Variants in CLIP1 observed in about 807,000 individuals in gnomAD.
CLIP1 encodes the protein CAP-Gly domain containing linker protein 1.
A neutral mutation model predicts 161.6 loss-of-function variants in CLIP1; 66 were observed. The ratio of observed to expected loss-of-function variants is 0.41; its 90% CI spans 0.33 to 0.50. The LOEUF (loss-of-function observed/expected upper bound fraction) is 0.50. CLIP1 is among the 20% of genes least tolerant of loss of function. CLIP1 has a pLI of 0.27. For missense variants in CLIP1, 1,376 were observed against 1,702.0 expected, an observed-to-expected ratio of 0.81 and a Z score of 3.37; for synonymous variants, 598 against 626.2, an observed-to-expected ratio of 0.96 and a Z score of 0.67.
At chr12:122,304,552 G>A (rs1051537838) in intron 20 of CLIP1, among the ~76,000 whole-genome samples, 1 of 152,136 alleles carries the variant, frequency 6.6e-6, no homozygotes, top group East Asian at 1.9e-4. Flanking sequence ...ATTAGAGATG[G>A]GGTTTCACCA....
intron 20 of CLIP1, among the ~76,000 whole-genome samples, chr12:122,290,907 T>G (rs887663624): frequency 2.7e-5 from 4 of 148,014 alleles, no homozygotes; most frequent in Admixed American, 6.8e-5. Flanking sequence ...TTTTTTTTAG[T>G]TTTTTTTTTA....
chr12:122,314,379 G>A (rs762219107), intron 19 of CLIP1, among the ~76,000 whole-genome samples: 14 of 151,858 alleles, frequency 9.2e-5, no homozygotes, highest in African/African-American at 2.9e-4. Flanking sequence ...GTTGAGGCAC[G>A]AAAACTGCTT....
intron 5 of CLIP1, among the ~76,000 whole-genome samples, chr12:122,359,306 TAA>T (rs1953662325): frequency 6.6e-6 from 1 of 152,138 alleles, no homozygotes; most frequent in Non-Finnish European, 1.5e-5. Flanking sequence ...TGAGGTGAGC[TAA>T]GAGGTACAAG....
intron 1 of CLIP1, among the ~76,000 whole-genome samples, chr12:122,413,914 C>G (rs1295638269): frequency 1.3e-5 from 2 of 151,796 alleles, no homozygotes; most frequent in African/African-American, 4.8e-5. Context: ...GGCCAAGATT[C>G]CTTGGTACTT....
At chr12:122,347,348 G>A (rs1004881539) in intron 10 of CLIP1, 27 bp downstream of exon 10, 7 of 1,513,180 alleles carry the variant, frequency 4.6e-6, no homozygotes, top group South Asian at 1.1e-5. Flanking sequence ...GCATGGGTCT[G>A]CTTCATTAAA....
At chr12:122,334,257 C>G in intron 13 of CLIP1, 147 bp from the exon 14 acceptor site, 1 of 626,404 alleles carries the variant, frequency 1.6e-6, no homozygotes, top group Middle Eastern at 4.3e-4. Context: ...AATCACATGG[C>G]TGTGTCCAGC....
intron 19 of CLIP1, among the ~76,000 whole-genome samples, chr12:122,315,832 G>T (rs1357470706): frequency 1.3e-5 from 2 of 151,484 alleles, no homozygotes; most frequent in East Asian, 3.9e-4. Context: ...TAGTAGAGAC[G>T]GGGTTTCACC....
chr12:122,302,757 T>A (rs12578953), intron 20 of CLIP1, among the ~76,000 whole-genome samples: 44,553 of 151,888 alleles, frequency 0.29, 7,359 homozygotes, highest in East Asian at 0.63. Flanking sequence ...CCACCACGCC[T>A]GGCTAATTTT....
intron 1 of CLIP1, among the ~76,000 whole-genome samples, chr12:122,404,252 CAG>C (rs1956240890): frequency 6.6e-6 from 1 of 152,180 alleles, no homozygotes; most frequent in Admixed American, 6.5e-5. Flanking sequence ...GAATATAAAG[CAG>C]GGGCCTGGAG....
At chr12:122,324,049 G>T (rs191524622) in intron 17 of CLIP1, 1 of 152,574 alleles carries the variant, frequency 6.6e-6, no homozygotes. Context: ...GTACAACATT[G>T]ATTTCTTTAA....
chr12:122,412,672 C>T (rs530356266), intron 1 of CLIP1, among the ~76,000 whole-genome samples: 45 of 151,752 alleles, frequency 3.0e-4, no homozygotes, highest in East Asian at 7.8e-4. Context: ...CAAAAAAAAA[C>T]CAAAGTACAT....
At chr12:122,345,236 A>G (rs1263236083) in intron 10 of CLIP1, among the ~76,000 whole-genome samples, 1 of 151,276 alleles carries the variant, frequency 6.6e-6, no homozygotes, top group Admixed American at 6.6e-5. Context: ...GTGCAGAGAC[A>G]TGAACATGGC....
intron 17 of CLIP1, among the ~76,000 whole-genome samples, chr12:122,320,698 TG>T: frequency 6.7e-6 from 1 of 148,458 alleles, no homozygotes; most frequent in East Asian, 2.1e-4. Context: ...TACTCCAACC[TG>T]GGTGACAGAG....
At chr12:122,330,601 T>TTTG (rs1201445935) in intron 15 of CLIP1, among the ~76,000 whole-genome samples, 10 of 136,450 alleles carry the variant, frequency 7.3e-5, no homozygotes, top group Non-Finnish European at 1.4e-4. Context: ...AATGCAGTTT[T>TTTG]TTTTTTTTTT....
chr12:122,384,257 A>G (rs769288924), intron 1 of CLIP1, among the ~76,000 whole-genome samples: 7 of 152,198 alleles, frequency 4.6e-5, no homozygotes, highest in Non-Finnish European at 8.8e-5. Context: ...CTTAGGAGAT[A>G]GCACTCATCA....
At position 122,393,057 on chromosome 12, in the gene CLIP1, C is replaced by G. The variant is rs142688584; in HGVS notation, c.-106-12499G>C. On this transcript the variant is annotated intron_variant, in intron 1 of 25. Coordinates refer to ENST00000620786, the MANE Select transcript of CLIP1 (RefSeq NM_001247997.2). The stretch of plus-strand genomic sequence containing the variant: ...TCGGCCTCCCAAAGTGCTGGGATTA[C>G]AGGTGTGAACCACCACACCCAGCCA... 3.1e-3 allele frequency among the ~76,000 whole-genome samples: 474 copies of G among 152,198 alleles called. 2 individuals carry two copies. The highest frequency in any genetic ancestry group is 0.011 in the African/African-American group (452 of 41,534).
At chr12:122,353,378 G>T (rs1232203901) in intron 7 of CLIP1, among the ~76,000 whole-genome samples, 1 of 152,140 alleles carries the variant, frequency 6.6e-6, no homozygotes, top group East Asian at 1.9e-4. Context: ...TGTAATCCTA[G>T]CATTTTGTGA....
At chr12:122,357,789 T>C (rs567171447) in intron 5 of CLIP1, among the ~76,000 whole-genome samples, 10,558 of 100,786 alleles carry the variant, frequency 0.1, 1,249 homozygotes, top group African/African-American at 0.32. Flanking sequence ...TCTGCCCGGC[T>C]AGCCGCCCCA....
intron 1 of CLIP1, among the ~76,000 whole-genome samples, chr12:122,385,220 C>T (rs915538757): frequency 6.6e-6 from 1 of 151,940 alleles, no homozygotes; most frequent in Non-Finnish European, 1.5e-5. Context: ...CGTGAGACAC[C>T]GCACACGGCC....
Sources: allele counts gnomAD v4.1 joint callset (sites outside exome capture counted in the v4.1 genomes callset), GRCh38; gene constraint gnomAD v4.1.1; transcripts MANE v1.5; gene names NCBI Gene and HGNC (gene_info 2026-07-23, HGNC 2026-07-21).